The following COL4A6 variants were observed in gnomAD, a reference collection of about 807,000 sequenced individuals.
COL4A6 encodes the protein collagen alpha-6(IV) chain.
Under a neutral mutation model 126.7 loss-of-function variants are expected in COL4A6, and 59 were observed. The ratio of observed to expected loss-of-function variants is 0.47; its 90% CI spans 0.38 to 0.58. The LOEUF (loss-of-function observed/expected upper bound fraction) is 0.58, where lower values mean the gene tolerates loss of function less well. Ranked by LOEUF, COL4A6 falls within the 20% of genes least tolerant of loss-of-function variation. COL4A6 has a pLI of 0.00. For synonymous variants in COL4A6, 547 were observed against 496.6 expected (o/e 1.10, Z -1.35); for missense variants, 1,285 against 1,337.3 (o/e 0.96, Z 0.61).
chrX:108,219,739 G>A lies in COL4A6; in HGVS notation c.283C>T (p.Pro95Ser), dbSNP rs928894320. Residue 95 changes from proline (P) to serine (S), a missense_variant, in exon 5 of 45, where the codon CCC becomes TCC. Pro to Ser is a moderately conservative substitution (Grantham distance 74, BLOSUM62 -1). Coordinates refer to ENST00000334504, the MANE Select transcript of COL4A6 (RefSeq NM_033641.4). ...CCAAGAAAGCCAGGAACTCCCATGGGACCCTAAAAAAAGGAGTAGGGAGAG... is the reference window on the plus strand; with the variant it reads ...CCAAGAAAGCCAGGAACTCCCATGGAACCCTAAAAAAAGGAGTAGGGAGAG... ...GPYGPKGDKG[P>S]MGVPGFLGIN... 6 of 1,204,859 alleles carry A rather than the reference G, an allele frequency of 5.0e-6. No homozygotes were observed. Among genetic ancestry groups the A allele is most frequent in the Middle Eastern group, 2.3e-4 (1 of 4,332 alleles).
intron 2 of COL4A6, among the ~76,000 whole-genome samples, chrX:108,415,667 G>A (rs1377942748): frequency 1.8e-5 from 2 of 112,122 alleles, no homozygotes. Flanking sequence ...GTGAGAATGA[G>A]TTTCTTAAAG....
intron 2 of COL4A6, among the ~76,000 whole-genome samples, chrX:108,359,903 T>C (rs1450179817): frequency 8.9e-6 from 1 of 112,394 alleles, no homozygotes; most frequent in East Asian, 2.8e-4. Flanking sequence ...CTTACTTGTG[T>C]AGAGTCAACA....
chrX:108,433,954 T>C (rs2064218208), intron 2 of COL4A6, among the ~76,000 whole-genome samples: 1 of 112,031 alleles, frequency 8.9e-6, no homozygotes, highest in Admixed American at 9.4e-5. Flanking sequence ...AATTATGAAA[T>C]AATCCATATA....
intron 5 of COL4A6, 125 bp downstream of exon 5, chrX:108,219,573 A>T (rs1172652943): frequency 1.6e-6 from 1 of 620,391 alleles, no homozygotes; most frequent in Non-Finnish European, 2.7e-6. Context: ...ACCTCACCAT[A>T]CATATCTCAA....
chrX:108,271,405 T>C (rs1223230378), intron 3 of COL4A6, among the ~76,000 whole-genome samples: 1 of 112,295 alleles, frequency 8.9e-6, no homozygotes, highest in African/African-American at 3.2e-5. Context: ...GGCCAGTATT[T>C]CCACTGATAA....
intron 3 of COL4A6, among the ~76,000 whole-genome samples, chrX:108,277,568 A>G (rs1463865646): frequency 3.6e-5 from 4 of 112,322 alleles, no homozygotes; most frequent in Non-Finnish European, 5.6e-5. Context: ...GCAGGGCACA[A>G]ACAAACAAAA....
chrX:108,280,563 G>A (rs954820813), intron 3 of COL4A6, among the ~76,000 whole-genome samples: 7 of 111,665 alleles, frequency 6.3e-5, no homozygotes, highest in Non-Finnish European at 1.3e-4. Flanking sequence ...TCTACCAGAG[G>A]TACAAGGAGG....
intron 2 of COL4A6, among the ~76,000 whole-genome samples, chrX:108,348,832 C>A (rs2039774929): frequency 9.0e-6 from 1 of 111,726 alleles, no homozygotes; most frequent in Non-Finnish European, 1.9e-5. Context: ...ATTTCAGAAT[C>A]CTGGCATATA....
chrX:108,389,822 G>A (rs7889206), intron 2 of COL4A6, among the ~76,000 whole-genome samples: 233 of 111,384 alleles, frequency 2.1e-3, no homozygotes, highest in Middle Eastern at 9.2e-3. Context: ...TCTTCACAGC[G>A]TCGATGGTCT....
chrX:108,389,320 A>G (rs759237206), intron 2 of COL4A6, among the ~76,000 whole-genome samples: 4 of 111,485 alleles, frequency 3.6e-5, no homozygotes, highest in African/African-American at 1.3e-4. Flanking sequence ...GTGGGGTGTT[A>G]AAGTCTCCCA....
rs148188280 is a variant in COL4A6 at position 108,423,320 on chromosome X, A to T, written c.63+14622T>A. On this transcript the variant is annotated intron_variant, in intron 2 of 44. Coordinates refer to ENST00000334504, the MANE Select transcript of COL4A6 (RefSeq NM_033641.4). ...GGTTGGCATCAAGTTCTTAACAATA[A>T]CCCTAACATCAACAATAATAATAGC... is the stretch of plus-strand genomic sequence containing the variant. Among the ~76,000 whole-genome samples, 620 of 112,138 alleles carry T rather than the reference A, an allele frequency of 5.5e-3. 8 individuals carry two copies. The highest frequency in any genetic ancestry group is 0.019 in the African/African-American group (588 of 30,880).
chrX:108,206,476 TG>T, intron 9 of COL4A6, 41 bp downstream of exon 9: 1 of 1,142,445 alleles, frequency 8.8e-7, no homozygotes, highest in Non-Finnish European at 1.2e-6. Context: ...AAAACAACCA[TG>T]TGAACACTGT....
intron 3 of COL4A6, among the ~76,000 whole-genome samples, chrX:108,224,152 A>G (rs1424610098): frequency 9.0e-6 from 1 of 111,300 alleles, no homozygotes; most frequent in Non-Finnish European, 1.9e-5. Context: ...GTAAGCAAGG[A>G]GACTTAGGAG....
chrX:108,318,409 A>G (rs2038939229), intron 2 of COL4A6, among the ~76,000 whole-genome samples: 1 of 111,392 alleles, frequency 9.0e-6, no homozygotes, highest in East Asian at 2.8e-4. Flanking sequence ...AATGGTATTC[A>G]ATTAGGAAAA....
At chrX:108,186,272 C>T (rs1410306519) in intron 23 of COL4A6, among the ~76,000 whole-genome samples, 1 of 111,763 alleles carries the variant, frequency 8.9e-6, no homozygotes, top group African/African-American at 3.3e-5. Context: ...ATCTATCCAT[C>T]CATCCAACCA....
intron 3 of COL4A6, among the ~76,000 whole-genome samples, chrX:108,305,257 C>T (rs1216465152): frequency 1.8e-5 from 2 of 112,144 alleles, no homozygotes; most frequent in Non-Finnish European, 3.8e-5. Context: ...AAGTATAAAA[C>T]CTGCAACACA....
intron 2 of COL4A6, among the ~76,000 whole-genome samples, chrX:108,387,174 C>T (rs774559332): frequency 8.9e-5 from 10 of 112,097 alleles, no homozygotes; most frequent in African/African-American, 3.2e-4. Context: ...GTTCTTTTTG[C>T]TTAGGATTTT....
At chrX:108,345,420 T>C (rs1352407605) in intron 2 of COL4A6, among the ~76,000 whole-genome samples, 1 of 111,708 alleles carries the variant, frequency 9.0e-6, no homozygotes, top group Non-Finnish European at 1.9e-5. Flanking sequence ...TCATCTGGAA[T>C]TGTGGACAAG....
rs1237196179 is a variant in COL4A6, at chrX:108,219,707, A to C, written c.315T>G (p.Asn105Lys). The stretch of plus-strand genomic sequence containing the variant: ...CTGTGGACACACTCACCGGAATCCC[A>C]TTGATGCCAAGAAAGCCAGGAACTC... ...PMGVPGFLGI[N>K]GIPGHPGQPG... Residue 105 changes from asparagine (N) to lysine (K), a missense_variant, in exon 5 of 45, where the codon AAT becomes AAG. Asn to Lys is a moderately conservative substitution (Grantham distance 94, BLOSUM62 0). Transcript: ENST00000334504. 1.7e-6 allele frequency: 2 copies of C among 1,209,365 alleles called. No homozygotes were observed. Among genetic ancestry groups the C allele is most frequent in the Non-Finnish European group, 1.1e-6 (1 of 893,230 alleles).
Sources: gnomAD v4.1 joint callset for allele counts (sites outside exome capture counted in the v4.1 genomes callset) on GRCh38, gnomAD v4.1.1 for gene constraint, MANE v1.5 for transcripts, NCBI Gene and HGNC (gene_info 2026-07-23, HGNC 2026-07-21) for gene names.